CTNNB1: variants seen among roughly 807,000 people sequenced by gnomAD.
CTNNB1 encodes the protein catenin beta-1.
CTNNB1 carries 6 observed loss-of-function variants against 82.5 expected under a neutral mutation model. The ratio of observed to expected loss-of-function variants is 0.07; its 90% confidence interval spans 0.04 to 0.14. CTNNB1 has a LOEUF of 0.14. Ranked by LOEUF, CTNNB1 falls within the 10% of genes least tolerant of loss-of-function variation. The probability of loss-of-function intolerance (pLI) is 1.00; values close to 1 mark genes in which losing one functional copy is unlikely to be tolerated. For missense variants in CTNNB1, 529 were observed against 980.4 expected (o/e 0.54, Z 6.15); for synonymous variants, 312 against 329.7 (o/e 0.95, Z 0.58).
At chr3:41,208,686 A>G (rs1277679782) in intron 1 of CTNNB1, among the ~76,000 whole-genome samples, 1 of 152,122 alleles carries the variant, frequency 6.6e-6, no homozygotes, top group Non-Finnish European at 1.5e-5. Context: ...GATCTCTTGT[A>G]TCTATGACCA....
At chr3:41,208,186 TTAAGA>T (rs1168890486) in intron 1 of CTNNB1, among the ~76,000 whole-genome samples, 4 of 152,210 alleles carry the variant, frequency 2.6e-5, no homozygotes, top group African/African-American at 9.6e-5. Flanking sequence ...CCTGTATGAA[TTAAGA>T]TAAGGAGTTA....
intron 1 of CTNNB1, among the ~76,000 whole-genome samples, chr3:41,214,607 C>G (rs1293049490): frequency 6.6e-6 from 1 of 152,070 alleles, no homozygotes; most frequent in Non-Finnish European, 1.5e-5. Context: ...CACTTAAAAA[C>G]CCTTTCTATT....
chr3:41,209,185 A>G (rs183441892), intron 1 of CTNNB1, among the ~76,000 whole-genome samples: 1 of 152,182 alleles, frequency 6.6e-6, no homozygotes, highest in Admixed American at 6.5e-5. Context: ...CCTCTGTTGG[A>G]GTGGCTGAAG....
chr3:41,212,958 A>G (rs1227220935), intron 1 of CTNNB1, among the ~76,000 whole-genome samples: 1 of 152,166 alleles, frequency 6.6e-6, no homozygotes, highest in Non-Finnish European at 1.5e-5. Context: ...TAGCTGCCTT[A>G]CAGGTTTCCC....
At chr3:41,235,462 T>C (rs1383623268) in intron 10 of CTNNB1, 2 of 526,364 alleles carry the variant, frequency 3.8e-6, no homozygotes, top group East Asian at 6.7e-5. Context: ...GCCCTTACTG[T>C]AGGAAAGTTG....
chr3:41,234,770 C>G (rs1426935220), intron 10 of CTNNB1: 3 of 169,354 alleles, frequency 1.8e-5, no homozygotes, highest in Admixed American at 1.1e-4. Context: ...TTTCTGTACT[C>G]TTAACCACAA....
intron 1 of CTNNB1, chr3:41,220,873 T>C (rs2078031717): frequency 6.6e-6 from 1 of 152,216 alleles, no homozygotes; most frequent in Non-Finnish European, 1.5e-5. Context: ...AATTCTGTCC[T>C]GATGGGAAGA....
At position 41,225,166 on chromosome 3, in the gene CTNNB1, G is replaced by A. The variant is rs1231397985; in HGVS notation, c.454G>A (p.Ala152Thr). Residue 152 changes from alanine (A) to threonine (T), a missense_variant, in exon 4 of 15, where the codon GCA (alanine) becomes ACA (threonine). Around this residue, in one of 4 missense-constraint regions of CTNNB1, gnomAD observed 411 missense variants for 776.4 expected, o/e 0.53. Transcript: ENST00000349496. This position sits in a 1 kb window ranked among gnomAD's most constrained non-coding sequence, Gnocchi z 5.3. ...YQDDAELATRAIPELTKLLND... is the reference protein window; with the variant it reads ...YQDDAELATRTIPELTKLLND... ...AGATGATGCAGAACTTGCCACACGT[G>A]CAATCCCTGAACTGACAAAACTGCT... The A allele has an allele frequency of 6.2e-7, 1 of 1,613,922 alleles. No homozygotes were observed. The highest frequency in any genetic ancestry group is 8.5e-7 in the Non-Finnish European group (1 of 1,180,008).
intron 1 of CTNNB1, among the ~76,000 whole-genome samples, chr3:41,203,841 A>G (rs1218695151): frequency 6.6e-6 from 1 of 152,232 alleles, no homozygotes; most frequent in Non-Finnish European, 1.5e-5. Context: ...GAATCTAATT[A>G]GCAACAGGAA....
chr3:41,222,486 A>G (rs930976439), intron 1 of CTNNB1: 1 of 152,146 alleles, frequency 6.6e-6, no homozygotes, highest in Non-Finnish European at 1.5e-5. Context: ...TTTATGTTGC[A>G]TAAATTTTAA....
intron 6 of CTNNB1, among the ~76,000 whole-genome samples, chr3:41,226,431 C>T (rs997031436): frequency 1.3e-5 from 2 of 152,034 alleles, no homozygotes; most frequent in East Asian, 1.9e-4. Context: ...TTCAAGGAGA[C>T]CTCTTGGAGG....
chr3:41,212,784 G>C (rs1315708086), intron 1 of CTNNB1, among the ~76,000 whole-genome samples: 1 of 152,212 alleles, frequency 6.6e-6, no homozygotes, highest in African/African-American at 2.4e-5. Context: ...GTGCAAGCCA[G>C]ATAGGTAGGA....
At chr3:41,212,789 G>A (rs1033666045) in intron 1 of CTNNB1, among the ~76,000 whole-genome samples, 1 of 152,200 alleles carries the variant, frequency 6.6e-6, no homozygotes, top group East Asian at 1.9e-4. Flanking sequence ...AGCCAGATAG[G>A]TAGGAGTCAT....
In CTNNB1 at chr3:41,224,662, C is replaced by T. The variant is rs528528236; in HGVS notation, c.150C>T (p.Gly50=). ...CAGCTCCTTCTCTGAGTGGTAAAGGCAATCCTGAGGAAGAGGATGTGGATA... is the reference window on the plus strand; with the variant it reads ...CAGCTCCTTCTCTGAGTGGTAAAGGTAATCCTGAGGAAGAGGATGTGGATA... ...TTTAPSLSGK[G]NPEEEDVDTS... The change falls in exon 3 of 15, where the codon GGC becomes GGT. Residue 50 remains glycine (G), a synonymous_variant. Coordinates refer to ENST00000349496, the MANE Select transcript of CTNNB1 (RefSeq NM_001904.4). 4 of 1,613,944 alleles carry T rather than the reference C, an allele frequency of 2.5e-6. No individual in the cohort carries two copies. The highest frequency in any genetic ancestry group is 3.3e-5 in the Admixed American group (2 of 59,936).
rs2078348907 is a variant in CTNNB1 at position 41,233,093 on chromosome 3, TAAC to T, written c.1082-245_1082-243del. The stretch of plus-strand genomic sequence containing the variant: ...TATTACCTAAGGGGGACAGTGGAGA[TAAC>T]AAAGGCTTTTTCGGCTTAGGAAAGG... On this transcript the variant is annotated intron_variant, in intron 7 of 14. Transcript: ENST00000349496. 6.8e-6 allele frequency: 4 copies of T among 584,008 alleles called. No individual in the cohort carries two copies. The South Asian group carries it at 8.1e-5, about 12-fold the overall frequency. 36.2% of individuals were successfully genotyped at this position (584,008 alleles called of 1,614,324 possible).
chr3:41,203,210 T>A (rs1416887644), intron 1 of CTNNB1, among the ~76,000 whole-genome samples: 1 of 81,164 alleles, frequency 1.2e-5, no homozygotes, highest in African/African-American at 3.0e-5. Context: ...ATGCTTGTGA[T>A]TTTTTTTTTT....
At chr3:41,207,794 C>G (rs1257067168) in intron 1 of CTNNB1, among the ~76,000 whole-genome samples, 9 of 152,114 alleles carry the variant, frequency 5.9e-5, no homozygotes, top group Admixed American at 2.0e-4. Context: ...CTTTCTTATT[C>G]CAGCTGTAAC....
rs11564468 is a variant in CTNNB1 at position 41,237,010 on chromosome 3, C to T, written c.2076+301C>T. On this transcript the variant is annotated intron_variant, in intron 13 of 14. Transcript: ENST00000349496. ...TTTCAAAAGGATGTAAGGAAAGAGG[C>T]AGTGTTAAACACTGTTAAGAGGACA... 1,892 of 554,868 alleles carry T rather than the reference C, an allele frequency of 3.4e-3. 8 individuals carry two copies. Among genetic ancestry groups the T allele is most frequent in the Non-Finnish European group, 4.2e-3 (1,313 of 313,476 alleles). The allele number at this position is 554,868 out of a possible 1,614,324, so 34.4% of individuals were successfully genotyped here.
intron 1 of CTNNB1, among the ~76,000 whole-genome samples, chr3:41,219,828 T>C (rs2078000550): frequency 6.6e-6 from 1 of 152,196 alleles, no homozygotes; most frequent in Non-Finnish European, 1.5e-5. Flanking sequence ...GAGAATTATT[T>C]ATATGCAAAG....
Sources: allele counts gnomAD v4.1 joint callset (sites outside exome capture counted in the v4.1 genomes callset), GRCh38; gene constraint gnomAD v4.1.1; regional missense constraint gnomAD v4.1.1; non-coding constraint Gnocchi (gnomAD v3.1); transcripts MANE v1.5; gene names NCBI Gene and HGNC (gene_info 2026-07-23, HGNC 2026-07-21).